The following RNF144A variants were observed in gnomAD, a reference collection of about 807,000 sequenced individuals.
The protein encoded by RNF144A is E3 ubiquitin-protein ligase RNF144A.
Under a neutral mutation model 38.7 loss-of-function variants are expected in RNF144A, and 11 were observed. That is an observed-to-expected ratio of 0.28 (90% CI 0.18 to 0.47). The LOEUF (loss-of-function observed/expected upper bound fraction) is 0.47. Ranked by LOEUF, RNF144A falls within the 20% of genes least tolerant of loss-of-function variation. The probability of loss-of-function intolerance (pLI) is 0.99; values close to 1 mark genes in which losing one functional copy is unlikely to be tolerated. For missense variants in RNF144A, 316 were observed against 377.2 expected (o/e 0.84, Z 1.34); for synonymous variants, 149 against 143.9 (o/e 1.04, Z -0.25).
intron 1 of RNF144A, among the ~76,000 whole-genome samples, chr2:6,923,919 A>G (rs1418926712): frequency 6.6e-6 from 1 of 151,862 alleles, no homozygotes; most frequent in Non-Finnish European, 1.5e-5. Flanking sequence ...GAACTTACTC[A>G]TTTTTACATT....
intron 8 of RNF144A, among the ~76,000 whole-genome samples, chr2:7,031,155 C>T (rs568367433): frequency 1.2e-4 from 19 of 152,280 alleles, no homozygotes; most frequent in South Asian, 1.0e-3. Context: ...GACCGCTACC[C>T]GTCCATGGCC....
chr2:7,033,791 T>C (rs1456924598), intron 8 of RNF144A, among the ~76,000 whole-genome samples: 1 of 152,244 alleles, frequency 6.6e-6, no homozygotes, highest in South Asian at 2.1e-4. Context: ...AGCAGGGACC[T>C]GTTTTGCTCA....
At chr2:6,924,334 G>C (rs189715234) in intron 1 of RNF144A, among the ~76,000 whole-genome samples, 3 of 152,280 alleles carry the variant, frequency 2.0e-5, no homozygotes, top group African/African-American at 4.8e-5. Flanking sequence ...TGCACGGGAA[G>C]CATAGGACGT....
intron 5 of RNF144A, among the ~76,000 whole-genome samples, chr2:7,016,253 A>G (rs978559081): frequency 2.6e-5 from 4 of 152,158 alleles, no homozygotes; most frequent in African/African-American, 9.6e-5. Flanking sequence ...GGCAGTTTAT[A>G]GCTTTAATAT....
At chr2:6,935,932 T>C (rs1665544860) in intron 1 of RNF144A, among the ~76,000 whole-genome samples, 1 of 152,264 alleles carries the variant, frequency 6.6e-6, no homozygotes, top group Non-Finnish European at 1.5e-5. Context: ...TTGACTTCTT[T>C]CTTTCCCTCC....
chr2:6,978,821 AC>A (rs1668459004), intron 2 of RNF144A: 1 of 152,604 alleles, frequency 6.6e-6, no homozygotes. Context: ...GGGGATCATC[AC>A]CACCATGTCA....
chr2:7,062,247 G>GA (rs1438737725), intron 6 of RNF144A, among the ~76,000 whole-genome samples: 3 of 152,132 alleles, frequency 2.0e-5, no homozygotes, highest in African/African-American at 7.2e-5. Context: ...AGAAAGAGCA[G>GA]AAAAATGCAT....
intron 2 of RNF144A, among the ~76,000 whole-genome samples, chr2:6,964,407 T>C (rs1163505689): frequency 1.3e-5 from 2 of 152,228 alleles, no homozygotes; most frequent in African/African-American, 2.4e-5. Flanking sequence ...TGGAAGTCAG[T>C]GTGGCAATTC....
chr2:6,977,947 A>G (rs762665066), intron 2 of RNF144A, among the ~76,000 whole-genome samples: 1 of 152,156 alleles, frequency 6.6e-6, no homozygotes, highest in Non-Finnish European at 1.5e-5. Flanking sequence ...TTTAAGATAC[A>G]TCACCCTGGA....
chr2:7,002,595 C>T (rs1180176643), intron 3 of RNF144A, among the ~76,000 whole-genome samples: 5 of 152,182 alleles, frequency 3.3e-5, no homozygotes, highest in Non-Finnish European at 1.5e-5. Flanking sequence ...TTCTACTAGT[C>T]TAAAGCTCAG....
At chr2:7,058,814 A>G (rs1337551505) in intron 6 of RNF144A, among the ~76,000 whole-genome samples, 3 of 152,052 alleles carry the variant, frequency 2.0e-5, no homozygotes, top group Non-Finnish European at 4.4e-5. Context: ...TGTCCTTGCA[A>G]TGTTTTTGTT....
chr2:6,969,625 A>G (rs1667874568), intron 2 of RNF144A, among the ~76,000 whole-genome samples: 1 of 152,250 alleles, frequency 6.6e-6, no homozygotes, highest in African/African-American at 2.4e-5. Context: ...AAATTCCAAA[A>G]TCTGAAATAC....
chr2:7,030,696 G>T (rs770521290), intron 8 of RNF144A, among the ~76,000 whole-genome samples: 7 of 152,164 alleles, frequency 4.6e-5, no homozygotes, highest in African/African-American at 1.2e-4. Flanking sequence ...CTTCGTGGAA[G>T]GCAGTTTTTC....
At chr2:6,981,620 T>C (rs1668638544) in intron 2 of RNF144A, among the ~76,000 whole-genome samples, 1 of 152,216 alleles carries the variant, frequency 6.6e-6, no homozygotes, top group Non-Finnish European at 1.5e-5. Context: ...TGAACTTCAT[T>C]GTCGATACGA....
At chr2:6,937,417 T>C (rs1303616004) in intron 1 of RNF144A, among the ~76,000 whole-genome samples, 1 of 152,216 alleles carries the variant, frequency 6.6e-6, no homozygotes, top group Non-Finnish European at 1.5e-5. Context: ...GGAAGCTCTG[T>C]GGCCAGGCTC....
At chr2:7,069,061 G>T (rs1674351889), downstream of RNF144A, among the ~76,000 whole-genome samples, 1 of 152,210 alleles carries the variant, frequency 6.6e-6, no homozygotes, top group Admixed American at 6.5e-5. Flanking sequence ...GTCAATAGTA[G>T]CCCAGCAAGG....
At chr2:7,004,331 G>A (rs1670301811) in intron 3 of RNF144A, among the ~76,000 whole-genome samples, 3 of 152,338 alleles carry the variant, frequency 2.0e-5, no homozygotes, top group Non-Finnish European at 2.9e-5. Flanking sequence ...AGTAACTCCT[G>A]TAGATAAAAC....
intron 6 of RNF144A, among the ~76,000 whole-genome samples, chr2:7,062,514 A>G (rs866866520): frequency 0.01 from 1,558 of 151,800 alleles, 19 homozygotes; most frequent in Middle Eastern, 0.028. Flanking sequence ...AAAAAAAAAA[A>G]AAAGAAAGAA....
intron 2 of RNF144A, among the ~76,000 whole-genome samples, chr2:6,985,549 G>A (rs1331731677): frequency 6.6e-6 from 1 of 152,224 alleles, no homozygotes; most frequent in Non-Finnish European, 1.5e-5. Flanking sequence ...TTGCAGGTGA[G>A]TTCTTAGGAA....
Sources: allele counts gnomAD v4.1 joint callset (sites outside exome capture counted in the v4.1 genomes callset), GRCh38; gene constraint gnomAD v4.1.1; transcripts MANE v1.5; gene names NCBI Gene and HGNC (gene_info 2026-07-23, HGNC 2026-07-21).